SEC31A: variants seen among roughly 807,000 people sequenced by gnomAD.
SEC31A encodes protein transport protein Sec31A.
SEC31A carries 70 observed loss-of-function variants against 151.0 expected under a neutral mutation model. The ratio of observed to expected loss-of-function variants is 0.46; its 90% CI spans 0.38 to 0.57. The LOEUF (loss-of-function observed/expected upper bound fraction) is 0.57, where lower values mean the gene tolerates loss of function less well. SEC31A is among the 20% of genes least tolerant of loss of function. The pLI is 0.00. For synonymous variants in SEC31A, 475 were observed against 505.9 expected (o/e 0.94, Z 0.82); for missense variants, 1,330 against 1,471.2 (o/e 0.90, Z 1.57).
rs1735595282 is a variant in SEC31A, at chr4:82,867,143, A to T, written c.1044+12T>A. The T allele has an allele frequency of 6.2e-7, 1 of 1,605,938 alleles. No individual in the cohort carries two copies. The highest frequency in any genetic ancestry group is 8.5e-7 in the Non-Finnish European group (1 of 1,174,302). ...AGGCATTATAATAGAAAACTTTAACACTTCCTATTACCTTGTCAACTTGTT... is the reference window on the plus strand; with the variant it reads ...AGGCATTATAATAGAAAACTTTAACTCTTCCTATTACCTTGTCAACTTGTT... On this transcript the variant is annotated intron_variant, in intron 9 of 26. Transcript: ENST00000395310.
chr4:82,862,374 T>C (rs1466669518), intron 13 of SEC31A, among the ~76,000 whole-genome samples, 160 bp downstream of exon 13: 2 of 152,186 alleles, frequency 1.3e-5, no homozygotes, highest in Admixed American at 1.3e-4. Context: ...TAAGCTCATG[T>C]TATTTTAAAA....
chr4:82,828,518 T>A (rs1725130949), intron 23 of SEC31A, among the ~76,000 whole-genome samples: 1 of 151,810 alleles, frequency 6.6e-6, no homozygotes, highest in Admixed American at 6.6e-5. Context: ...AAAAGCAGCA[T>A]CTTAATTTGT....
intron 25 of SEC31A, among the ~76,000 whole-genome samples, chr4:82,821,906 T>A (rs1291504889): frequency 1.3e-5 from 2 of 152,170 alleles, no homozygotes; most frequent in African/African-American, 4.8e-5. Flanking sequence ...TTAGTTACAT[T>A]TGTTTAATCC....
intron 9 of SEC31A, 31 bp from the exon 10 acceptor site, chr4:82,866,991 G>T: frequency 6.3e-7 from 1 of 1,591,508 alleles, no homozygotes; most frequent in South Asian, 1.2e-5. Flanking sequence ...ATAAGCATCC[G>T]ACCATACACA....
chr4:82,857,800 T>G, intron 14 of SEC31A, 36 bp from the exon 15 acceptor site: 2 of 1,336,132 alleles, frequency 1.5e-6, no homozygotes, highest in Non-Finnish European at 2.1e-6. Context: ...TTAGCCAGAA[T>G]AAAACTGTGG....
chr4:82,834,165 T>C (rs1342910309), intron 22 of SEC31A, among the ~76,000 whole-genome samples: 3 of 152,216 alleles, frequency 2.0e-5, no homozygotes, highest in Non-Finnish European at 4.4e-5. Context: ...TCACTGTGTG[T>C]GCATTCCAAT....
chr4:82,831,016 A>T (rs756999314), intron 22 of SEC31A: 10 of 881,602 alleles, frequency 1.1e-5, no homozygotes, highest in Non-Finnish European at 1.3e-5. Flanking sequence ...GTGTTTACTG[A>T]AGACATTCTA....
At chr4:82,844,541 T>C in intron 20 of SEC31A, 32 bp from the exon 21 acceptor site, 2 of 1,606,408 alleles carry the variant, frequency 1.2e-6, no homozygotes, top group Non-Finnish European at 1.7e-6. Context: ...AGAAGGCGGA[T>C]ACAAGTAGAA....
intron 20 of SEC31A, chr4:82,845,312 T>TA: frequency 7.7e-7 from 1 of 1,303,540 alleles, no homozygotes; most frequent in Non-Finnish European, 1.0e-6. Context: ...AACAAAGAAA[T>TA]ACCAATCACA....
intron 1 of SEC31A, among the ~76,000 whole-genome samples, chr4:82,884,535 G>A (rs528994268): frequency 2.2e-4 from 33 of 152,094 alleles, no homozygotes; most frequent in South Asian, 1.0e-3. Flanking sequence ...TATTTGTTTC[G>A]ATCCATAAAC....
At chr4:82,860,415 A>G (rs1247322427) in intron 14 of SEC31A, among the ~76,000 whole-genome samples, 1 of 152,224 alleles carries the variant, frequency 6.6e-6, no homozygotes, top group Admixed American at 6.5e-5. Context: ...CTAGTTGTAC[A>G]TAAATGAAAG....
chr4:82,888,362 A>AC (rs1741304367), intron 1 of SEC31A, among the ~76,000 whole-genome samples: 1 of 97,922 alleles, frequency 1.0e-5, no homozygotes, highest in African/African-American at 2.8e-5. Flanking sequence ...AAAAAAAAAA[A>AC]AAAAAAAAAA....
At chr4:82,828,892 T>C in intron 23 of SEC31A, 108 bp downstream of exon 23, 1 of 786,318 alleles carries the variant, frequency 1.3e-6, no homozygotes, top group South Asian at 1.6e-5. Context: ...AATACATCAC[T>C]CAGTAAGCTT....
chr4:82,869,337 A>G (rs1736127988), intron 8 of SEC31A, among the ~76,000 whole-genome samples: 1 of 148,934 alleles, frequency 6.7e-6, no homozygotes, highest in African/African-American at 2.5e-5. Context: ...TCATCGTGTT[A>G]GCCAGGATGG....
At chr4:82,829,484 T>C (rs1348200738) in intron 22 of SEC31A, 2 of 153,714 alleles carry the variant, frequency 1.3e-5, no homozygotes, top group Admixed American at 6.5e-5. Flanking sequence ...AGAATAAAAT[T>C]AGCAATCTCC....
intron 22 of SEC31A, 31 bp downstream of exon 22, chr4:82,842,109 G>A (rs1229120584): frequency 2.0e-6 from 3 of 1,500,430 alleles, no homozygotes; most frequent in Non-Finnish European, 2.7e-6. Flanking sequence ...ATAAAGGAGG[G>A]GGCCAAACCA....
chr4:82,896,362 T>A (rs1404291757), intron 3 of SEC31A, among the ~76,000 whole-genome samples: 1 of 152,082 alleles, frequency 6.6e-6, no homozygotes, highest in Non-Finnish European at 1.5e-5. Flanking sequence ...GGGTTACAGG[T>A]GCGTGCCACC....
intron 14 of SEC31A, among the ~76,000 whole-genome samples, chr4:82,858,806 C>T (rs1321226944): frequency 6.6e-6 from 1 of 151,514 alleles, no homozygotes; most frequent in Non-Finnish European, 1.5e-5. Flanking sequence ...GGGTTCACGC[C>T]ATTTTCCTGC....
At position 82,858,582 on chromosome 4, in the gene SEC31A, A is replaced by G. The variant is rs186569419; in HGVS notation, c.1627-818T>C. 1.1e-3 allele frequency among the ~76,000 whole-genome samples: 167 copies of G among 150,288 alleles called. 3 individuals carry two copies. Among genetic ancestry groups the G allele is most frequent in the Admixed American group, 6.2e-3 (93 of 15,050 alleles). ...AAAAAAAAAAAAAAGAACACTATTA[A>G]ATAAACTAACATGTACATATTCATT... On this transcript the variant is annotated intron_variant, in intron 14 of 26. Transcript: ENST00000395310.
Sources: allele counts gnomAD v4.1 joint callset (sites outside exome capture counted in the v4.1 genomes callset), GRCh38; gene constraint gnomAD v4.1.1; transcripts MANE v1.5; gene names NCBI Gene and HGNC (gene_info 2026-07-23, HGNC 2026-07-21).